The following COL23A1 variants were observed in gnomAD, a reference collection of about 807,000 sequenced individuals.
The protein encoded by COL23A1 is collagen type XXIII alpha 1 chain.
A neutral mutation model predicts 99.3 loss-of-function variants in COL23A1; 97 were observed. That is an observed-to-expected ratio of 0.98 (90% CI 0.83 to 1.16). The LOEUF is 1.16. Ranked by LOEUF, COL23A1 falls within the 50% of genes most tolerant of loss-of-function variation. The pLI is 0.00. For missense variants in COL23A1, 762 were observed against 757.4 expected, an observed-to-expected ratio of 1.01 and a Z score of -0.07; for synonymous variants, 320 against 308.2, an observed-to-expected ratio of 1.04 and a Z score of -0.40.
At chr5:178,486,484 C>G (rs767503524) in intron 2 of COL23A1, among the ~76,000 whole-genome samples, 1 of 151,906 alleles carries the variant, frequency 6.6e-6, no homozygotes, top group African/African-American at 2.4e-5. Flanking sequence ...AAGACACGGC[C>G]GTTAGCAAAA....
At chr5:178,244,895 C>T (rs1764586726) in intron 25 of COL23A1, among the ~76,000 whole-genome samples, 1 of 152,234 alleles carries the variant, frequency 6.6e-6, no homozygotes, top group Non-Finnish European at 1.5e-5. Context: ...AGGCTCCTCA[C>T]TGCTCTCTTC....
At chr5:178,529,734 A>C (rs1356544519) in intron 2 of COL23A1, among the ~76,000 whole-genome samples, 1 of 152,072 alleles carries the variant, frequency 6.6e-6, no homozygotes, top group Non-Finnish European at 1.5e-5. Flanking sequence ...CTGTCTCCCC[A>C]GCGAAACTAC....
chr5:178,372,839 G>A (rs2127724267), intron 2 of COL23A1, among the ~76,000 whole-genome samples: 1 of 152,228 alleles, frequency 6.6e-6, no homozygotes, highest in South Asian at 2.1e-4. Flanking sequence ...GCCTCCCAAA[G>A]TACTGGGATT....
intron 2 of COL23A1, among the ~76,000 whole-genome samples, chr5:178,477,435 T>C (rs1385840370): frequency 1.3e-5 from 2 of 152,218 alleles, no homozygotes; most frequent in Non-Finnish European, 2.9e-5. Flanking sequence ...GTCACCAATG[T>C]AACCCAGCAA....
intron 2 of COL23A1, among the ~76,000 whole-genome samples, chr5:178,493,491 G>A (rs74665859): frequency 0.046 from 7,065 of 152,282 alleles, 388 homozygotes; most frequent in African/African-American, 0.13. Context: ...CATTCACAGA[G>A]TTCTCCAGGT....
At chr5:178,298,447 G>C (rs777223320) in intron 3 of COL23A1, among the ~76,000 whole-genome samples, 12 of 152,190 alleles carry the variant, frequency 7.9e-5, no homozygotes, top group Non-Finnish European at 1.6e-4. Context: ...AATGCAAATG[G>C]GGAGGAGTCT....
chr5:178,455,620 A>G (rs967613052), intron 2 of COL23A1, among the ~76,000 whole-genome samples: 7 of 152,192 alleles, frequency 4.6e-5, no homozygotes, highest in African/African-American at 1.4e-4. Context: ...ACATCCAGGC[A>G]TGACACCGGC....
At chr5:178,412,960 T>C (rs1246702396) in intron 2 of COL23A1, among the ~76,000 whole-genome samples, 1 of 152,078 alleles carries the variant, frequency 6.6e-6, no homozygotes, top group Non-Finnish European at 1.5e-5. Flanking sequence ...TATATGGAAT[T>C]GTTGAGTACA....
At chr5:178,580,011 G>C (rs1312784531) in intron 1 of COL23A1, among the ~76,000 whole-genome samples, 1 of 152,124 alleles carries the variant, frequency 6.6e-6, no homozygotes, top group African/African-American at 2.4e-5. Context: ...AGCAGCTGTA[G>C]AGAGAGGAGG....
intron 3 of COL23A1, among the ~76,000 whole-genome samples, chr5:178,304,726 A>G (rs185639461): frequency 6.6e-6 from 1 of 152,270 alleles, no homozygotes; most frequent in East Asian, 1.9e-4. Flanking sequence ...GGGACACCAC[A>G]CTGGAAAAAC....
At position 178,310,328 on chromosome 5, in the gene COL23A1, C is replaced by T. The variant is rs1758604997; in HGVS notation, c.362-3409G>A. Reference sequence around the variant, plus strand: ...TCTCTGGACTATCAGGTGCCGAGAGCCCACCATGGGCAGTGACCTGGGTTC... The same window carrying T: ...TCTCTGGACTATCAGGTGCCGAGAGTCCACCATGGGCAGTGACCTGGGTTC... On this transcript the variant is annotated intron_variant, in intron 2 of 28. Transcript: ENST00000390654. The surrounding 1 kb of genome is among the most constrained non-coding windows in gnomAD (Gnocchi z 4.3). 6.6e-6 allele frequency among the ~76,000 whole-genome samples: 1 copy of T among 152,294 alleles called. No individual in the cohort carries two copies. Among genetic ancestry groups the T allele is most frequent in the Admixed American group, 6.5e-5 (1 of 15,296 alleles).
intron 2 of COL23A1, among the ~76,000 whole-genome samples, chr5:178,527,895 T>C (rs1225683610): frequency 1.3e-5 from 2 of 152,236 alleles, no homozygotes; most frequent in Non-Finnish European, 2.9e-5. Context: ...CTTTCCAGGA[T>C]TTCTTGGCAT....
chr5:178,528,483 A>T (rs556465740), intron 2 of COL23A1, among the ~76,000 whole-genome samples: 1 of 152,276 alleles, frequency 6.6e-6, no homozygotes, highest in South Asian at 2.1e-4. Flanking sequence ...GGCCACAGTG[A>T]TGAGTTCCAA....
At chr5:178,451,741 G>T (rs1767502559) in intron 2 of COL23A1, among the ~76,000 whole-genome samples, 1 of 148,808 alleles carries the variant, frequency 6.7e-6, no homozygotes. Flanking sequence ...TCTAAAGAAA[G>T]AAAACATCCT....
At chr5:178,406,039 G>A (rs1385347022) in intron 2 of COL23A1, among the ~76,000 whole-genome samples, 3 of 152,122 alleles carry the variant, frequency 2.0e-5, no homozygotes, top group Non-Finnish European at 4.4e-5. Context: ...GGAGGCGGAG[G>A]CTGCAGTGAG....
At chr5:178,508,525 G>A (rs947623631) in intron 2 of COL23A1, among the ~76,000 whole-genome samples, 3 of 152,206 alleles carry the variant, frequency 2.0e-5, no homozygotes, top group Non-Finnish European at 4.4e-5. Context: ...AGGAAAAGAT[G>A]GGGGGTGCCA....
chr5:178,415,173 G>A lies in COL23A1; in HGVS notation c.362-108254C>T, dbSNP rs1037757978. Among the ~76,000 whole-genome samples, 7 of 152,286 alleles carry A rather than the reference G, an allele frequency of 4.6e-5. No homozygotes were observed. The highest frequency in any genetic ancestry group is 1.7e-4 in the African/African-American group (7 of 41,550). Reference sequence around the variant, plus strand: ...ATTCAGCCTCTGACTCTCCCAGGAAGGAGCTCCAGTCAAGGATCCTGGCAT... The same window carrying A: ...ATTCAGCCTCTGACTCTCCCAGGAAAGAGCTCCAGTCAAGGATCCTGGCAT... On this transcript the variant is annotated intron_variant, in intron 2 of 28. Transcript: ENST00000390654. The surrounding 1 kb of genome is among the most constrained non-coding windows in gnomAD (Gnocchi z 4.6).
intron 1 of COL23A1, 49 bp from the exon 2 acceptor site, chr5:178,560,797 A>G (rs1762523700): frequency 6.5e-7 from 1 of 1,549,034 alleles, no homozygotes; most frequent in Non-Finnish European, 8.8e-7. Context: ...AATGAGTTTC[A>G]GAACAGAGAG....
At chr5:178,287,658 A>C (rs1319696929) in intron 5 of COL23A1, among the ~76,000 whole-genome samples, 1 of 151,954 alleles carries the variant, frequency 6.6e-6, no homozygotes, top group Admixed American at 6.6e-5. Context: ...GGAGGCACAA[A>C]ATGAATCTGC....
Sources: allele counts gnomAD v4.1 joint callset (sites outside exome capture counted in the v4.1 genomes callset), GRCh38; gene constraint gnomAD v4.1.1; non-coding constraint Gnocchi (gnomAD v3.1); transcripts MANE v1.5; gene names NCBI Gene and HGNC (gene_info 2026-07-23, HGNC 2026-07-21).